The following OSBPL8 variants were observed in gnomAD, a reference collection of about 807,000 sequenced individuals.
The protein encoded by OSBPL8 is oxysterol-binding protein-related protein 8.
Under a neutral mutation model 125.5 loss-of-function variants are expected in OSBPL8, and 59 were observed. The observed-to-expected ratio is 0.47, with a 90% CI of 0.38 to 0.58. The LOEUF (loss-of-function observed/expected upper bound fraction) is 0.58. Among genes scored for constraint, OSBPL8 ranks in the 20% least tolerant of loss-of-function variants. The probability of loss-of-function intolerance (pLI) is 0.00; values close to 1 mark genes in which losing one functional copy is unlikely to be tolerated. For missense variants in OSBPL8, 758 were observed against 1,047.8 expected, an observed-to-expected ratio of 0.72 and a Z score of 3.82; for synonymous variants, 330 against 338.9, an observed-to-expected ratio of 0.97 and a Z score of 0.29.
chr12:76,475,440 C>T (rs1296979142), intron 2 of OSBPL8, among the ~76,000 whole-genome samples: 6 of 152,220 alleles, frequency 3.9e-5, no homozygotes, highest in Non-Finnish European at 8.8e-5. Flanking sequence ...TCACTGTCTA[C>T]ACTGAGTAAA....
intron 19 of OSBPL8, 57 bp from the exon 20 acceptor site, chr12:76,369,879 A>G (rs1445250452): frequency 6.8e-6 from 10 of 1,478,426 alleles, no homozygotes; most frequent in Non-Finnish European, 7.3e-6. Flanking sequence ...AATAAAATCT[A>G]TATAGAATAG....
chr12:76,386,513 G>A, intron 13 of OSBPL8, 66 bp downstream of exon 13: 7 of 1,433,990 alleles, frequency 4.9e-6, no homozygotes, highest in Non-Finnish European at 6.6e-6. Context: ...ACAATCTACA[G>A]ATTACATAAA....
At chr12:76,419,740 G>C (rs1247859658) in intron 4 of OSBPL8, among the ~76,000 whole-genome samples, 1 of 152,110 alleles carries the variant, frequency 6.6e-6, no homozygotes, top group African/African-American at 2.4e-5. Context: ...AAAAACTAAT[G>C]ACATTCAAAC....
chr12:76,359,403 G>C (rs1952111881), intron 21 of OSBPL8, among the ~76,000 whole-genome samples: 1 of 152,110 alleles, frequency 6.6e-6, no homozygotes, highest in Non-Finnish European at 1.5e-5. Flanking sequence ...GATTGAAGTG[G>C]ATGCACAAGA....
At chr12:76,485,046 C>A (rs892949956) in intron 2 of OSBPL8, among the ~76,000 whole-genome samples, 6 of 151,802 alleles carry the variant, frequency 4.0e-5, no homozygotes, top group African/African-American at 1.5e-4. Flanking sequence ...TCAGCCTCCT[C>A]GGTAGCTGGG....
intron 9 of OSBPL8, among the ~76,000 whole-genome samples, chr12:76,393,589 T>C (rs537088297): frequency 1.3e-5 from 2 of 150,640 alleles, no homozygotes; most frequent in Admixed American, 6.6e-5. Flanking sequence ...CAGGCGCCTG[T>C]AGTCCCAGCC....
chr12:76,504,079 T>C (rs1880173728), intron 1 of OSBPL8, among the ~76,000 whole-genome samples: 1 of 134,422 alleles, frequency 7.4e-6, no homozygotes, highest in Admixed American at 7.2e-5. Flanking sequence ...TCCAACCACT[T>C]AAAGGCCAAA....
At chr12:76,407,309 T>C (rs1954304861) in intron 5 of OSBPL8, among the ~76,000 whole-genome samples, 4 of 152,162 alleles carry the variant, frequency 2.6e-5, no homozygotes, top group South Asian at 2.1e-4. Context: ...CAGAGTGCAG[T>C]GGCGCAAACA....
intron 1 of OSBPL8, among the ~76,000 whole-genome samples, chr12:76,489,836 G>A (rs1443717335): frequency 6.6e-6 from 1 of 152,212 alleles, no homozygotes; most frequent in East Asian, 1.9e-4. Context: ...TGATTCCTCT[G>A]ATGGATCTGG....
chr12:76,450,069 T>G (rs935991765), intron 4 of OSBPL8, among the ~76,000 whole-genome samples: 3 of 152,180 alleles, frequency 2.0e-5, no homozygotes, highest in Admixed American at 1.3e-4. Flanking sequence ...GCAGGTGTCT[T>G]TTAAGCTAGA....
intron 3 of OSBPL8, among the ~76,000 whole-genome samples, chr12:76,453,059 CT>C (rs1341561443): frequency 6.6e-6 from 1 of 151,506 alleles, no homozygotes; most frequent in African/African-American, 2.4e-5. Flanking sequence ...ATCACTTTAC[CT>C]TACATGATTT....
At chr12:76,500,492 CTATT>C (rs1296369839) in intron 1 of OSBPL8, among the ~76,000 whole-genome samples, 6 of 152,148 alleles carry the variant, frequency 3.9e-5, no homozygotes, top group Admixed American at 2.0e-4. Flanking sequence ...TCACTTAATA[CTATT>C]TAAGTTTTTA....
chr12:76,422,265 A>C (rs1037834144), intron 4 of OSBPL8, among the ~76,000 whole-genome samples: 1 of 152,134 alleles, frequency 6.6e-6, no homozygotes, highest in Non-Finnish European at 1.5e-5. Context: ...TAATTAAAGC[A>C]AAAATTTATG....
intron 4 of OSBPL8, among the ~76,000 whole-genome samples, chr12:76,424,214 T>C (rs1247309883): frequency 6.6e-6 from 1 of 152,168 alleles, no homozygotes; most frequent in Admixed American, 6.5e-5. Context: ...TTGGGCAGAC[T>C]GGTCTCAAAC....
chr12:76,430,344 C>T (rs1256092094), intron 4 of OSBPL8, among the ~76,000 whole-genome samples: 7 of 152,158 alleles, frequency 4.6e-5, no homozygotes, highest in African/African-American at 1.4e-4. Context: ...CAGCTCCACT[C>T]CCACTCAATC....
intron 4 of OSBPL8, chr12:76,422,578 A>C (rs1327647807): frequency 4.4e-6 from 2 of 456,624 alleles, no homozygotes; most frequent in Non-Finnish European, 8.8e-6. Context: ...TTCGGCCATC[A>C]ATCCGGGGAG....
At chr12:76,506,344 G>C (rs1880414248) in intron 1 of OSBPL8, among the ~76,000 whole-genome samples, 1 of 152,174 alleles carries the variant, frequency 6.6e-6, no homozygotes, top group Non-Finnish European at 1.5e-5. Context: ...GCAGATGTGA[G>C]GCTGACGGGG....
chr12:76,388,686 A>T (rs953395359), intron 12 of OSBPL8, among the ~76,000 whole-genome samples: 1 of 152,012 alleles, frequency 6.6e-6, no homozygotes, highest in Non-Finnish European at 1.5e-5. Context: ...CTATTTCTTC[A>T]TTTTCCAACT....
rs536449012 is a variant in OSBPL8, at chr12:76,461,640, T to C, written c.43-1745A>G. Among the ~76,000 whole-genome samples, 57 of 152,204 alleles carry C rather than the reference T, an allele frequency of 3.7e-4. No individual in the cohort carries two copies. In the East Asian group the frequency reaches 0.011, roughly 28 times the overall value. Reference sequence around the variant, plus strand: ...TTTTAGTAGAGACGGGGTTTCACCATGTTAGCCAGGCCAGTCTCGAACTCC... The same window carrying C: ...TTTTAGTAGAGACGGGGTTTCACCACGTTAGCCAGGCCAGTCTCGAACTCC... On this transcript the variant is annotated intron_variant, in intron 2 of 23. Coordinates refer to ENST00000261183, the MANE Select transcript of OSBPL8 (RefSeq NM_020841.5).
Sources: gnomAD v4.1 joint callset for allele counts (sites outside exome capture counted in the v4.1 genomes callset) on GRCh38, gnomAD v4.1.1 for gene constraint, MANE v1.5 for transcripts, NCBI Gene and HGNC (gene_info 2026-07-23, HGNC 2026-07-21) for gene names.